Variants in RGS6 observed in about 807,000 individuals in gnomAD.
The protein encoded by RGS6 is regulator of G protein signaling 6, also known as regulator of G-protein signaling 6.
A neutral mutation model predicts 78.5 loss-of-function variants in RGS6; 30 were observed. That is an observed-to-expected ratio of 0.38 (90% confidence interval 0.29 to 0.52). The LOEUF (loss-of-function observed/expected upper bound fraction) is 0.52. Ranked by LOEUF, RGS6 falls within the 20% of genes least tolerant of loss-of-function variation. The pLI is 0.85. For synonymous variants in RGS6, 206 were observed against 206.0 expected (o/e 1.00, Z 0.00); for missense variants, 495 against 609.7 (o/e 0.81, Z 1.98).
At chr14:72,200,162 A>G (rs2041162222) in intron 2 of RGS6, among the ~76,000 whole-genome samples, 1 of 152,196 alleles carries the variant, frequency 6.6e-6, no homozygotes, top group South Asian at 2.1e-4. Context: ...GATTTCTCTA[A>G]TAAGGGAATC....
Position 72,428,434 on chromosome 14 carries a change from G to A in RGS6, c.185-26094G>A, listed in dbSNP as rs372517823. On this transcript the variant is annotated intron_variant, in intron 3 of 17. Transcript: ENST00000553525. Reference sequence around the variant, plus strand: ...GATTTCTCTGTGGGAGATTCAGTTCGCCCAGGAGTGATGGTGTTTCTGAGA... The same window carrying A: ...GATTTCTCTGTGGGAGATTCAGTTCACCCAGGAGTGATGGTGTTTCTGAGA... Among the ~76,000 whole-genome samples, 66 of 152,202 alleles carry A rather than the reference G, an allele frequency of 4.3e-4. 1 individual carries two copies. The South Asian group carries it at 9.1e-3, about 21-fold the overall frequency.
chr14:72,267,661 A>G (rs540309478), intron 2 of RGS6, among the ~76,000 whole-genome samples: 95 of 152,306 alleles, frequency 6.2e-4, no homozygotes, highest in African/African-American at 2.2e-3. Context: ...TTAGCAACAA[A>G]TATATTTTTT....
chr14:72,021,464 CTTTTTTT>C (rs533727083), intron 2 of RGS6, among the ~76,000 whole-genome samples: 2 of 122,424 alleles, frequency 1.6e-5, no homozygotes, highest in East Asian at 2.5e-4. Context: ...CTTTTTCTAA[CTTTTTTT>C]TTTTTTTTTT....
chr14:72,417,947 G>T (rs1194661321), intron 3 of RGS6, among the ~76,000 whole-genome samples: 1 of 152,160 alleles, frequency 6.6e-6, no homozygotes, highest in East Asian at 1.9e-4. Context: ...TAATGTGACA[G>T]TGATTTATAG....
At chr14:72,210,903 T>C (rs917903619) in intron 2 of RGS6, among the ~76,000 whole-genome samples, 10 of 152,220 alleles carry the variant, frequency 6.6e-5, no homozygotes, top group African/African-American at 2.2e-4. Context: ...CAACAAACTT[T>C]TGTCTGTATG....
At chr14:72,200,333 C>G (rs942997823) in intron 2 of RGS6, among the ~76,000 whole-genome samples, 1 of 152,176 alleles carries the variant, frequency 6.6e-6, no homozygotes. Flanking sequence ...TTTCGGAACC[C>G]GCTTCCTTCA....
chr14:72,319,212 A>G (rs1460318873), intron 2 of RGS6, among the ~76,000 whole-genome samples: 1 of 152,244 alleles, frequency 6.6e-6, no homozygotes, highest in Admixed American at 6.5e-5. Flanking sequence ...ATCAAAAGAT[A>G]ACATTACCAT....
intron 2 of RGS6, among the ~76,000 whole-genome samples, chr14:72,123,775 G>A (rs540642071): frequency 1.3e-5 from 2 of 152,304 alleles, no homozygotes; most frequent in South Asian, 4.1e-4. Flanking sequence ...GAAAGCAAGA[G>A]TGGTATATCT....
At chr14:72,251,349 G>A (rs935043938) in intron 2 of RGS6, among the ~76,000 whole-genome samples, 1 of 152,142 alleles carries the variant, frequency 6.6e-6, no homozygotes, top group Non-Finnish European at 1.5e-5. Flanking sequence ...TTCCTAGGGA[G>A]GGGGTTTAAG....
intron 3 of RGS6, among the ~76,000 whole-genome samples, chr14:72,395,032 A>G (rs2090879852): frequency 6.6e-6 from 1 of 152,074 alleles, no homozygotes; most frequent in Non-Finnish European, 1.5e-5. Flanking sequence ...AACAATAATT[A>G]TTTATTTTAA....
intron 3 of RGS6, among the ~76,000 whole-genome samples, chr14:72,407,161 A>C (rs1431919156): frequency 6.6e-6 from 1 of 152,200 alleles, no homozygotes; most frequent in Non-Finnish European, 1.5e-5. Flanking sequence ...CCTCTCTTAA[A>C]AGCTGGTGAC....
At chr14:72,182,815 T>C (rs566895242) in intron 2 of RGS6, among the ~76,000 whole-genome samples, 5 of 152,350 alleles carry the variant, frequency 3.3e-5, no homozygotes, top group African/African-American at 1.2e-4. Flanking sequence ...AAGGTTTGAA[T>C]GGGCACGATT....
chr14:71,932,340 C>G (rs2087949241), upstream of RGS6: 1 of 150,716 alleles, frequency 6.6e-6, no homozygotes, highest in African/African-American at 2.4e-5. Flanking sequence ...GCCCAGGTGC[C>G]GGCGCCCAGG....
chr14:72,108,351 A>C (rs1015397311), intron 2 of RGS6, among the ~76,000 whole-genome samples: 5 of 151,854 alleles, frequency 3.3e-5, no homozygotes, highest in African/African-American at 1.2e-4. Flanking sequence ...AAGCCCATAG[A>C]GATTTTTTTT....
chr14:72,023,516 T>C (rs2089182783), intron 2 of RGS6, among the ~76,000 whole-genome samples: 1 of 152,206 alleles, frequency 6.6e-6, no homozygotes. Context: ...TTGCTCAAAA[T>C]GTCAAGGGGT....
the RGS6 span, among the ~76,000 whole-genome samples, chr14:72,615,547 C>G: frequency 6.6e-6 from 1 of 152,324 alleles, no homozygotes; most frequent in African/African-American, 2.4e-5. Context: ...AAACCCTCCC[C>G]CAACTTCAAA....
downstream of RGS6, chr14:72,566,623 CCATT>C (rs2097712087): frequency 7.1e-6 from 1 of 139,984 alleles, no homozygotes; most frequent in Non-Finnish European, 1.5e-5. Context: ...CCACCCTTCC[CCATT>C]ATCACACACA....
chr14:71,942,261 A>G (rs2090723576), intron 1 of RGS6, among the ~76,000 whole-genome samples: 1 of 152,210 alleles, frequency 6.6e-6, no homozygotes, highest in Non-Finnish European at 1.5e-5. Flanking sequence ...TACCTGTTTG[A>G]GATGTTACAA....
At chr14:72,129,840 G>A (rs1210354026) in intron 2 of RGS6, among the ~76,000 whole-genome samples, 1 of 152,158 alleles carries the variant, frequency 6.6e-6, no homozygotes, top group Admixed American at 6.5e-5. Flanking sequence ...TTCAAAGGGA[G>A]GGAAAAGAAA....
Sources: allele counts gnomAD v4.1 joint callset (sites outside exome capture counted in the v4.1 genomes callset), GRCh38; gene constraint gnomAD v4.1.1; transcripts MANE v1.5; gene names NCBI Gene and HGNC (gene_info 2026-07-23, HGNC 2026-07-21).